CHMP3: variants seen among roughly 807,000 people sequenced by gnomAD.
CHMP3 encodes the protein 25.1 protein.
A neutral mutation model predicts 27.4 loss-of-function variants in CHMP3; 8 were observed. The observed-to-expected ratio is 0.29, with a 90% CI of 0.17 to 0.53. The LOEUF (loss-of-function observed/expected upper bound fraction) is 0.53. Ranked by LOEUF, CHMP3 falls within the 20% of genes least tolerant of loss-of-function variation. CHMP3 has a pLI of 0.96. For synonymous variants in CHMP3, 86 were observed against 85.5 expected, an observed-to-expected ratio of 1.01 and a Z score of -0.03; for missense variants, 208 against 271.5, an observed-to-expected ratio of 0.77 and a Z score of 1.64.
At chr2:86,527,944 G>A (rs955519044) in intron 3 of CHMP3, among the ~76,000 whole-genome samples, 1 of 152,064 alleles carries the variant, frequency 6.6e-6, no homozygotes, top group African/African-American at 2.4e-5. Flanking sequence ...CTGGGTGACA[G>A]AGAAAGACTC....
At position 86,503,600 on chromosome 2, in the gene CHMP3, G is replaced by A. The variant is rs1263334351; in HGVS notation, c.*2204C>T. 1 of 151,838 alleles carries A rather than the reference G, an allele frequency of 6.6e-6. No individual in the cohort carries two copies. The highest frequency in any genetic ancestry group is 2.4e-5 in the African/African-American group (1 of 41,318). 9.4% of individuals were successfully genotyped at this position (151,838 alleles called of 1,614,324 possible). A position where few individuals can be genotyped will look rare whatever the true frequency, so the allele number is the denominator to read the frequency against. ...GGATAAACTATTCATCTAGACAATG[G>A]AGTATTATTCAGTGCTAAAAATAAA... On this transcript the variant is annotated 3_prime_UTR_variant, in exon 6 of 6. Coordinates refer to ENST00000263856, the MANE Select transcript of CHMP3 (RefSeq NM_016079.4).
intron 1 of CHMP3, among the ~76,000 whole-genome samples, chr2:86,553,961 T>A (rs1240266849): frequency 6.6e-6 from 1 of 152,232 alleles, no homozygotes; most frequent in Non-Finnish European, 1.5e-5. Context: ...TTGGTGCATG[T>A]CCCCAAATTC....
chr2:86,523,137 C>T (rs940290938), intron 3 of CHMP3, among the ~76,000 whole-genome samples: 1 of 152,232 alleles, frequency 6.6e-6, no homozygotes, highest in African/African-American at 2.4e-5. Context: ...CCTTGCCCAT[C>T]CTCTCCAGCT....
chr2:86,520,972 T>C (rs372113334), intron 3 of CHMP3, among the ~76,000 whole-genome samples: 17 of 152,334 alleles, frequency 1.1e-4, no homozygotes, highest in African/African-American at 4.1e-4. Flanking sequence ...TTGTGATTTG[T>C]TTCTGCCCCA....
chr2:86,512,528 TG>T (rs1458080476), intron 3 of CHMP3: 40 of 152,100 alleles, frequency 2.6e-4, no homozygotes, highest in African/African-American at 9.4e-4. Context: ...CGAAAAAAGG[TG>T]TGGCAGGTAA....
At chr2:86,537,977 G>T (rs7593151) in intron 2 of CHMP3, among the ~76,000 whole-genome samples, 92,239 of 152,024 alleles carry the variant, frequency 0.61, 28,257 homozygotes, top group East Asian at 0.75. Flanking sequence ...TCCATCTTCA[G>T]AGCAGCATTA....
At chr2:86,557,427 C>G (rs1324612356) in intron 1 of CHMP3, among the ~76,000 whole-genome samples, 1 of 152,210 alleles carries the variant, frequency 6.6e-6, no homozygotes, top group Admixed American at 6.5e-5. Context: ...CTACCTAAAT[C>G]TCTTCCTTCT....
At chr2:86,550,739 T>A (rs1035982431) in intron 1 of CHMP3, among the ~76,000 whole-genome samples, 1 of 152,162 alleles carries the variant, frequency 6.6e-6, no homozygotes, top group African/African-American at 2.4e-5. Context: ...CAAAAATATT[T>A]AAAAAAACAA....
At chr2:86,518,911 ACT>A (rs773841688) in intron 3 of CHMP3, among the ~76,000 whole-genome samples, 3 of 152,242 alleles carry the variant, frequency 2.0e-5, no homozygotes, top group Non-Finnish European at 4.4e-5. Flanking sequence ...TAAAAGCAAC[ACT>A]GTTTCACTGG....
rs1187618867 is a variant in CHMP3 at position 86,505,763 on chromosome 2, CTT to C, written c.*39_*40del. ...GCAAGAGACACATAAAATGGCAGCT[CTT>C]GAGAGGAGTGTGTGCACACCCAGCG... On this transcript the variant is annotated 3_prime_UTR_variant, in exon 6 of 6. Transcript: ENST00000263856. 1 of 1,484,914 alleles carries C rather than the reference CTT, an allele frequency of 6.7e-7. No individual in the cohort carries two copies. The highest frequency in any genetic ancestry group is 1.3e-5 in the South Asian group (1 of 74,510). The allele number at this position is 1,484,914 out of a possible 1,614,324, so 92.0% of individuals were successfully genotyped here. A position where few individuals can be genotyped will look rare whatever the true frequency, so the allele number is the denominator to read the frequency against.
intron 2 of CHMP3, among the ~76,000 whole-genome samples, chr2:86,535,152 A>G (rs955275144): frequency 2.0e-5 from 3 of 151,476 alleles, no homozygotes; most frequent in African/African-American, 7.3e-5. Context: ...GGTACTTGGC[A>G]GGCTGAGATG....
intron 2 of CHMP3, among the ~76,000 whole-genome samples, chr2:86,538,838 T>C (rs1676245875): frequency 6.6e-6 from 1 of 152,216 alleles, no homozygotes; most frequent in African/African-American, 2.4e-5. Context: ...TTTAAGTTGC[T>C]ATTATTTTTC....
intron 1 of CHMP3, among the ~76,000 whole-genome samples, chr2:86,546,120 G>A (rs1460934788): frequency 6.6e-6 from 1 of 152,190 alleles, no homozygotes; most frequent in East Asian, 1.9e-4. Context: ...CAGCACCTCG[G>A]GAGGCCGAGG....
rs1355636848 is a variant in CHMP3, at chr2:86,542,314, T to C, written c.46-2A>G. 3.1e-6 allele frequency: 5 copies of C among 1,613,118 alleles called. No individual in the cohort carries two copies. Among genetic ancestry groups the C allele is most frequent in the Non-Finnish European group, 4.2e-6 (5 of 1,179,438 alleles). ...TATCTTCAATGACCACTCATTGACC[T>C]GGGAAAATTTTTAGAAAAGGAATGA... On this transcript the variant is annotated splice_acceptor_variant, in intron 1 of 5. Transcript: ENST00000263856. LOFTEE classifies it high-confidence loss of function.
At chr2:86,519,784 A>T (rs115007049) in intron 3 of CHMP3, among the ~76,000 whole-genome samples, 2,817 of 152,338 alleles carry the variant, frequency 0.018, 57 homozygotes, top group Non-Finnish European at 0.028. Context: ...TGAACTGTAG[A>T]ACTTAAATCT....
In CHMP3 at chr2:86,530,269, A is replaced by G. The variant is rs574578041; in HGVS notation, c.107-872T>C. 9.2e-5 allele frequency among the ~76,000 whole-genome samples: 14 copies of G among 152,334 alleles called. No individual in the cohort carries two copies. In the East Asian group the frequency reaches 2.7e-3, roughly 29 times the overall value. ...CGGCCTCCCAAAGTGCTGAAATTAC[A>G]GGCATGAGCCACCGCACCTGGCCCA... On this transcript the variant is annotated intron_variant, in intron 2 of 5. Transcript: ENST00000263856.
intron 4 of CHMP3, among the ~76,000 whole-genome samples, chr2:86,509,773 C>T (rs1675028522): frequency 6.6e-6 from 1 of 152,362 alleles, no homozygotes; most frequent in Middle Eastern, 3.4e-3. Context: ...AAAATCCCTA[C>T]TTCTCACGAT....
chr2:86,528,139 G>A (rs1240686586), intron 3 of CHMP3, among the ~76,000 whole-genome samples: 3 of 151,926 alleles, frequency 2.0e-5, no homozygotes, highest in African/African-American at 4.8e-5. Flanking sequence ...AACCACATTC[G>A]AATGTTAAAA....
chr2:86,510,237 A>G (rs979666629), intron 4 of CHMP3, 121 bp downstream of exon 4: 29 of 1,441,506 alleles, frequency 2.0e-5, no homozygotes, highest in Non-Finnish European at 2.6e-5. Context: ...ACTCCTTAAA[A>G]TTAATTCTGT....
Sources: allele counts gnomAD v4.1 joint callset (sites outside exome capture counted in the v4.1 genomes callset), GRCh38; gene constraint gnomAD v4.1.1; transcripts MANE v1.5; gene names NCBI Gene and HGNC (gene_info 2026-07-23, HGNC 2026-07-21).